Variants in OCA2 observed in about 807,000 individuals in gnomAD.
OCA2 encodes OCA2 melanosomal transmembrane protein.
OCA2 carries 77 observed loss-of-function variants against 100.2 expected under a neutral mutation model. That is an observed-to-expected ratio of 0.77 (90% CI 0.64 to 0.93). OCA2 has a LOEUF of 0.93. OCA2 is among the 40% of genes least tolerant of loss of function. The probability of loss-of-function intolerance (pLI) is 0.00; values close to 1 mark genes in which losing one functional copy is unlikely to be tolerated. For missense variants in OCA2, 1,062 were observed against 1,089.1 expected (o/e 0.98, Z 0.35); for synonymous variants, 432 against 439.2 (o/e 0.98, Z 0.21).
the OCA2 span, among the ~76,000 whole-genome samples, chr15:27,745,535 C>A: frequency 6.6e-6 from 1 of 152,164 alleles, no homozygotes; most frequent in Admixed American, 6.5e-5. Flanking sequence ...CAAGTCCCAG[C>A]CTTATTTTCC....
chr15:27,965,953 CTGTTTGTTTGTTTGTT>C (rs112228806), intron 15 of OCA2, among the ~76,000 whole-genome samples: 1 of 150,812 alleles, frequency 6.6e-6, no homozygotes, highest in African/African-American at 2.4e-5. Context: ...TCAGCATCTG[CTGTTTGTTTGTTTGTT>C]TGTTTGTTTG....
At position 28,072,702 on chromosome 15, in the gene OCA2, C is replaced by T. The variant is rs559217144; in HGVS notation, c.227+8946G>A. Among the ~76,000 whole-genome samples, 36 of 152,010 alleles carry T rather than the reference C, an allele frequency of 2.4e-4. No homozygotes were observed. The Middle Eastern group carries it at 0.017, about 73-fold the overall frequency. ...GTGAACAAACATATGAAAAAGCGCT[C>T]AGCATCACTAATCACCAGAGAGATG... On this transcript the variant is annotated intron_variant, in intron 2 of 23. Coordinates refer to ENST00000354638, the MANE Select transcript of OCA2 (RefSeq NM_000275.3).
intron 1 of OCA2, among the ~76,000 whole-genome samples, chr15:28,088,638 C>G (rs993601524): frequency 6.6e-6 from 1 of 152,068 alleles, no homozygotes; most frequent in Non-Finnish European, 1.5e-5. Flanking sequence ...CATCACATGT[C>G]GGTAGGTTCC....
rs1362791797 is a variant in OCA2, at chr15:27,926,241, A to G, written c.1965T>C (p.Ile655=). 6.2e-7 allele frequency: 1 copy of G among 1,614,086 alleles called. No individual in the cohort carries two copies. Among genetic ancestry groups the G allele is most frequent in the African/African-American group, 1.3e-5 (1 of 75,066 alleles). ...GIHLDLGWIA[I]LGAIWLLILA... Reference sequence around the variant, plus strand: ...AAATTAGCAACCAGATGGCACCCAGAATAGCAATCCATCCTGAAAATAAGT... The same window carrying G: ...AAATTAGCAACCAGATGGCACCCAGGATAGCAATCCATCCTGAAAATAAGT... Residue 655 remains isoleucine (I), a synonymous_variant, in exon 19 of 24, where the codon ATT becomes ATC. Coordinates refer to ENST00000354638, the MANE Select transcript of OCA2 (RefSeq NM_000275.3).
chr15:28,032,792 C>CAAAAAAAAA (rs34369918), intron 2 of OCA2, among the ~76,000 whole-genome samples: 2 of 107,546 alleles, frequency 1.9e-5, no homozygotes, highest in Admixed American at 1.0e-4. Flanking sequence ...GACTCTGTCT[C>CAAAAAAAAA]AAAAAAAAAA....
intron 23 of OCA2, among the ~76,000 whole-genome samples, chr15:27,811,785 A>G (rs2034090412): frequency 6.6e-6 from 1 of 152,126 alleles, no homozygotes; most frequent in South Asian, 2.1e-4. Flanking sequence ...TATGGGCCTC[A>G]GCTTCCTGAC....
At chr15:28,054,049 T>C (rs2043603149) in intron 2 of OCA2, among the ~76,000 whole-genome samples, 1 of 152,130 alleles carries the variant, frequency 6.6e-6, no homozygotes, top group African/African-American at 2.4e-5. Flanking sequence ...AATATGTGCA[T>C]GTATATATGT....
chr15:27,993,604 C>T (rs780366780), intron 9 of OCA2, among the ~76,000 whole-genome samples: 4 of 152,158 alleles, frequency 2.6e-5, no homozygotes, highest in African/African-American at 4.8e-5. Flanking sequence ...CTGGGCTCAT[C>T]GTGGTCTCAC....
chr15:28,042,878 T>C (rs767747414), intron 2 of OCA2, among the ~76,000 whole-genome samples: 34 of 152,262 alleles, frequency 2.2e-4, no homozygotes, highest in Non-Finnish European at 3.5e-4. Context: ...TAAAATTTTA[T>C]TCGTTTATAC....
intron 18 of OCA2, among the ~76,000 whole-genome samples, chr15:27,929,576 A>C (rs909424241): frequency 3.3e-5 from 5 of 152,284 alleles, no homozygotes; most frequent in African/African-American, 1.2e-4. Flanking sequence ...CCCTGAGTTA[A>C]AGGTTTTCTT....
intron 18 of OCA2, among the ~76,000 whole-genome samples, chr15:27,948,978 G>A (rs567984944): frequency 3.9e-5 from 6 of 152,324 alleles, no homozygotes; most frequent in South Asian, 2.1e-4. Flanking sequence ...GTTCTGTAAC[G>A]GAGCTGGCCT....
At chr15:27,986,180 G>T (rs944312335) in intron 12 of OCA2, among the ~76,000 whole-genome samples, 2 of 152,164 alleles carry the variant, frequency 1.3e-5, no homozygotes, top group Non-Finnish European at 2.9e-5. Context: ...AGTTAAAAAT[G>T]TAAATGTGTA....
Position 27,824,602 on chromosome 15 carries a change from C to CTCTCTCTCTCTCTCTCTCTCTATA in OCA2, c.2432+20356_2432+20357insTATAGAGAGAGAGAGAGAGAGAGA. On this transcript the variant is annotated intron_variant, in intron 23 of 23. Transcript: ENST00000354638. Reference sequence around the variant, plus strand: ...TTTCTCTCTCTCTCTCTCTCTCTCTCTATATATATATATATATATAATATA... The same window carrying CTCTCTCTCTCTCTCTCTCTCTATA: ...TTTCTCTCTCTCTCTCTCTCTCTCTCTCTCTCTCTCTCTCTCTCTCTATATATATATATATATATATATAATATA... Among the ~76,000 whole-genome samples the CTCTCTCTCTCTCTCTCTCTCTATA allele has an allele frequency of 5.7e-3, 272 of 47,554 alleles. 10 individuals carry two copies. Among genetic ancestry groups the CTCTCTCTCTCTCTCTCTCTCTATA allele is most frequent in the Middle Eastern group, 0.018 (1 of 56 alleles). The allele number at this position is 47,554 out of a possible 152,430, so 31.2% of individuals were successfully genotyped here. A position where few individuals can be genotyped will look rare whatever the true frequency, so the allele number is the denominator to read the frequency against.
At chr15:27,791,410 A>G (rs1302985792) in intron 23 of OCA2, among the ~76,000 whole-genome samples, 1 of 152,210 alleles carries the variant, frequency 6.6e-6, no homozygotes, top group Non-Finnish European at 1.5e-5. Context: ...AGCCAGACCC[A>G]AAAGGCTATG....
At chr15:27,968,056 T>G (rs1182484801) in intron 14 of OCA2, among the ~76,000 whole-genome samples, 1 of 149,984 alleles carries the variant, frequency 6.7e-6, no homozygotes, top group Non-Finnish European at 1.5e-5. Context: ...GCTCTTTCGC[T>G]GACGTCCTGG....
At chr15:28,057,961 A>T (rs929193257) in intron 2 of OCA2, among the ~76,000 whole-genome samples, 1 of 152,164 alleles carries the variant, frequency 6.6e-6, no homozygotes, top group Non-Finnish European at 1.5e-5. Flanking sequence ...ACACACCGGG[A>T]GGCAGCCTGC....
In OCA2 at chr15:28,099,224, C is replaced by A. The variant is rs1368613811; in HGVS notation, c.-22G>T. ...CGACCGCGGAGCACGTGCACTTTACCTGCGCACTTGCAGATCTTTCTCCAG... is the reference window on the plus strand; with the variant it reads ...CGACCGCGGAGCACGTGCACTTTACATGCGCACTTGCAGATCTTTCTCCAG... On this transcript the variant is annotated splice_region_variant and 5_prime_UTR_variant, in exon 1 of 24. Transcript: ENST00000354638. 2.0e-5 allele frequency: 3 copies of A among 152,660 alleles called. No homozygotes were observed. Among genetic ancestry groups the A allele is most frequent in the African/African-American group, 7.2e-5 (3 of 41,480 alleles). 9.5% of individuals were successfully genotyped at this position (152,660 alleles called of 1,614,324 possible).
intron 5 of OCA2, among the ~76,000 whole-genome samples, chr15:28,023,408 C>T (rs997756426): frequency 6.6e-6 from 1 of 152,200 alleles, no homozygotes; most frequent in Non-Finnish European, 1.5e-5. Flanking sequence ...CTGCTGTCCA[C>T]ATGTCACAGC....
At chr15:27,807,107 T>C (rs1326377729) in intron 23 of OCA2, among the ~76,000 whole-genome samples, 4 of 152,062 alleles carry the variant, frequency 2.6e-5, no homozygotes, top group Non-Finnish European at 5.9e-5. Context: ...CGCCCACCTC[T>C]GGGGAAGCCC....
Sources: gnomAD v4.1 joint callset for allele counts (sites outside exome capture counted in the v4.1 genomes callset) on GRCh38, gnomAD v4.1.1 for gene constraint, MANE v1.5 for transcripts, NCBI Gene and HGNC (gene_info 2026-07-23, HGNC 2026-07-21) for gene names.